DOP1B: variants seen among roughly 807,000 people sequenced by gnomAD.
DOP1B encodes protein DOP1B.
DOP1B carries 174 observed loss-of-function variants against 233.5 expected under a neutral mutation model. The ratio of observed to expected loss-of-function variants is 0.75; its 90% confidence interval spans 0.66 to 0.85. The LOEUF is 0.85. DOP1B is among the 40% of genes least tolerant of loss of function. The pLI, the probability that DOP1B is intolerant of heterozygous loss-of-function variation, is 0.00. For missense variants in DOP1B, 2,652 were observed against 2,846.6 expected, an observed-to-expected ratio of 0.93 and a Z score of 1.56; for synonymous variants, 1,190 against 1,185.6, an observed-to-expected ratio of 1.00 and a Z score of -0.08.
At position 36,263,574 on chromosome 21, in the gene DOP1B, T is replaced by A; in HGVS notation, c.5344T>A (p.Phe1782Ile). ...RLPVPALQEN[F>I]SSLLGVLKES... Reference sequence around the variant, plus strand: ...CCCAGTACCAGCCTTGCAAGAGAACTTTTCTTCACTGTTGGGAGTATTGAA... The same window carrying A: ...CCCAGTACCAGCCTTGCAAGAGAACATTTCTTCACTGTTGGGAGTATTGAA... Residue 1782 changes from phenylalanine (F) to isoleucine (I), a missense_variant, in exon 25 of 37, where the codon TTT (phenylalanine) becomes ATT (isoleucine). Around this residue, in one of 3 missense-constraint regions of DOP1B, gnomAD observed 2,617 missense variants for 2,794.3 expected, o/e 0.94. Coordinates refer to ENST00000691173, the MANE Select transcript of DOP1B (RefSeq NM_001320714.2). 1 of 1,614,198 alleles carries A rather than the reference T, an allele frequency of 6.2e-7. No individual in the cohort carries two copies. Among genetic ancestry groups the A allele is most frequent in the Non-Finnish European group, 8.5e-7 (1 of 1,180,046 alleles).
intron 18 of DOP1B, among the ~76,000 whole-genome samples, chr21:36,243,325 A>G (rs2066914052): frequency 6.6e-6 from 1 of 151,260 alleles, no homozygotes. Context: ...ATGTTTGGCA[A>G]TATCAAAGAC....
chr21:36,169,667 G>T, intron 2 of DOP1B: 1 of 895,026 alleles, frequency 1.1e-6, no homozygotes, highest in Non-Finnish European at 1.9e-6. Context: ...CTGGCGCAGA[G>T]GAAGTAGGCG....
chr21:36,280,390 C>A, intron 31 of DOP1B, 44 bp downstream of exon 31: 2 of 1,391,774 alleles, frequency 1.4e-6, no homozygotes, highest in South Asian at 1.2e-5. Context: ...TTGATAGGAT[C>A]AATGCCAATA....
At chr21:36,234,948 C>T (rs1376147673) in intron 15 of DOP1B, among the ~76,000 whole-genome samples, 1 of 152,138 alleles carries the variant, frequency 6.6e-6, no homozygotes, top group African/African-American at 2.4e-5. Flanking sequence ...AATTAGCATA[C>T]CCATCACCTT....
chr21:36,167,568 C>T (rs2065924428), intron 2 of DOP1B, among the ~76,000 whole-genome samples: 2 of 152,284 alleles, frequency 1.3e-5, no homozygotes, highest in South Asian at 2.1e-4. Context: ...ACACAAAATT[C>T]ACCATTTACC....
chr21:36,291,664 G>A (rs2067561104), intron 35 of DOP1B, among the ~76,000 whole-genome samples: 1 of 152,180 alleles, frequency 6.6e-6, no homozygotes. Flanking sequence ...TGATGAACAG[G>A]CAGATCATGT....
chr21:36,244,279 C>G (rs914891927), intron 18 of DOP1B, among the ~76,000 whole-genome samples: 11 of 151,990 alleles, frequency 7.2e-5, no homozygotes, highest in African/African-American at 1.9e-4. Context: ...TCCTAGGCCT[C>G]CCAAAGTGCT....
intron 2 of DOP1B, among the ~76,000 whole-genome samples, chr21:36,166,856 G>A (rs972844326): frequency 3.9e-5 from 6 of 152,190 alleles, no homozygotes; most frequent in African/African-American, 1.4e-4. Context: ...TACAGCTCGT[G>A]GCCAGTAAGC....
At chr21:36,260,266 G>GAAA (rs2067154622) in intron 23 of DOP1B, among the ~76,000 whole-genome samples, 5 of 124,786 alleles carry the variant, frequency 4.0e-5, no homozygotes, top group Non-Finnish European at 8.1e-5. Flanking sequence ...AAGGAAGGAA[G>GAAA]GAAAGAAAGA....
intron 18 of DOP1B, among the ~76,000 whole-genome samples, chr21:36,244,189 AATTTTTGT>A: frequency 6.6e-6 from 1 of 151,290 alleles, no homozygotes; most frequent in Admixed American, 6.6e-5. Flanking sequence ...ACGTCCAGCT[AATTTTTGT>A]ATTTTTAGTA....
At chr21:36,244,514 T>G (rs1019423771) in intron 18 of DOP1B, among the ~76,000 whole-genome samples, 10 of 152,164 alleles carry the variant, frequency 6.6e-5, no homozygotes, top group African/African-American at 2.4e-4. Context: ...AACCTCTGCC[T>G]CCTGGGTTCA....
chr21:36,224,923 T>G (rs948585538), intron 11 of DOP1B, among the ~76,000 whole-genome samples: 9 of 151,996 alleles, frequency 5.9e-5, no homozygotes, highest in African/African-American at 2.2e-4. Flanking sequence ...GACTGTGGTG[T>G]TCTCCAGCCC....
chr21:36,159,217 C>A (rs2123377537), intron 1 of DOP1B, among the ~76,000 whole-genome samples: 1 of 152,208 alleles, frequency 6.6e-6, no homozygotes. Context: ...TTTGGGAGGC[C>A]AAGGTGGGTG....
intron 15 of DOP1B, among the ~76,000 whole-genome samples, chr21:36,235,740 A>G (rs1042430644): frequency 1.3e-5 from 2 of 151,242 alleles, no homozygotes; most frequent in Non-Finnish European, 2.9e-5. Context: ...AAAAATATAT[A>G]TGAGGGAGTA....
At chr21:36,219,790 C>T (rs1425502061) in intron 10 of DOP1B, among the ~76,000 whole-genome samples, 1 of 151,128 alleles carries the variant, frequency 6.6e-6, no homozygotes, top group Non-Finnish European at 1.5e-5. Flanking sequence ...ATGTATTGAT[C>T]AAGTATGAAA....
chr21:36,167,034 C>T (rs898184638), intron 2 of DOP1B, among the ~76,000 whole-genome samples: 5 of 152,174 alleles, frequency 3.3e-5, no homozygotes, highest in South Asian at 2.1e-4. Context: ...AGATTGCATT[C>T]GCAGACTTGC....
Position 36,246,723 on chromosome 21 carries a change from T to C in DOP1B, c.4697+46T>C. 1 of 1,560,042 alleles carries C rather than the reference T, an allele frequency of 6.4e-7. No homozygotes were observed. Among genetic ancestry groups the C allele is most frequent in the Non-Finnish European group, 8.7e-7 (1 of 1,148,806 alleles). On this transcript the variant is annotated intron_variant, in intron 19 of 36. Coordinates refer to ENST00000691173, the MANE Select transcript of DOP1B (RefSeq NM_001320714.2). The surrounding 1 kb of genome is among the most constrained non-coding windows in gnomAD (Gnocchi z 5.1). ...CATCTTTATTGCTTTAGTGATGGTT[T>C]TTATAACGAATGACTGTTTTGCCAC... is the stretch of plus-strand genomic sequence containing the variant.
intron 2 of DOP1B, chr21:36,169,527 T>G: frequency 8.9e-7 from 1 of 1,122,224 alleles, no homozygotes; most frequent in East Asian, 2.3e-5. Context: ...ACCCCGATGA[T>G]GTCGATCATC....
chr21:36,247,399 C>G, intron 19 of DOP1B, 118 bp from the exon 20 acceptor site: 1 of 529,090 alleles, frequency 1.9e-6, no homozygotes, highest in Non-Finnish European at 3.2e-6. Context: ...GACGAGAGCT[C>G]CAGTTTATTT....
Sources: gnomAD v4.1 joint callset for allele counts (sites outside exome capture counted in the v4.1 genomes callset) on GRCh38, gnomAD v4.1.1 for gene constraint, gnomAD v4.1.1 regional missense constraint, Gnocchi (gnomAD v3.1) non-coding constraint, MANE v1.5 for transcripts, NCBI Gene and HGNC (gene_info 2026-07-23, HGNC 2026-07-21) for gene names.